Variants in ADGRL3 observed in about 807,000 individuals in gnomAD.
ADGRL3 encodes adhesion G protein-coupled receptor L3, also known as calcium-independent alpha-latrotoxin receptor 3.
In ADGRL3, 62 loss-of-function variants were observed where a neutral mutation model predicts 153.5. The ratio of observed to expected loss-of-function variants is 0.40; its 90% CI spans 0.33 to 0.50. The LOEUF (loss-of-function observed/expected upper bound fraction) is 0.50. ADGRL3 is among the 20% of genes least tolerant of loss of function. The pLI is 0.47. For missense variants in ADGRL3, 1,641 were observed against 1,859.4 expected (o/e 0.88, Z 2.16); for synonymous variants, 710 against 672.5 (o/e 1.06, Z -0.86).
chr4:61,338,379 C>G (rs1480060648), intron 1 of ADGRL3, among the ~76,000 whole-genome samples: 1 of 138,916 alleles, frequency 7.2e-6, no homozygotes, highest in Non-Finnish European at 1.5e-5. Flanking sequence ...GTATGATTAT[C>G]ATTCAGTGTG....
At position 61,694,193 on chromosome 4, in the gene ADGRL3, T is replaced by C. The variant is rs903399065; in HGVS notation, c.583+17258T>C. On this transcript the variant is annotated intron_variant, in intron 6 of 26. Coordinates refer to ENST00000683033, the MANE Select transcript of ADGRL3 (RefSeq NM_001387552.1). ...ATTTTGTCATTATTTTTTTTTTTTT[T>C]TTTTTTTTTTTTTTTTTTTTTTTTT... is the stretch of plus-strand genomic sequence containing the variant. Among the ~76,000 whole-genome samples the C allele has an allele frequency of 7.2e-3, 355 of 49,364 alleles. 6 individuals are homozygous for C. Among genetic ancestry groups the C allele is most frequent in the African/African-American group, 0.036 (327 of 8,990 alleles). 32.4% of individuals were successfully genotyped at this position (49,364 alleles called of 152,430 possible).
At chr4:61,939,811 G>C (rs552492048) in intron 15 of ADGRL3, among the ~76,000 whole-genome samples, 1 of 152,170 alleles carries the variant, frequency 6.6e-6, no homozygotes, top group East Asian at 1.9e-4. Context: ...GTATCATACA[G>C]TGTATACCAT....
intron 8 of ADGRL3, among the ~76,000 whole-genome samples, chr4:61,802,531 G>A (rs1354025052): frequency 1.3e-5 from 2 of 151,962 alleles, no homozygotes; most frequent in Non-Finnish European, 2.9e-5. Flanking sequence ...TCATATTCTT[G>A]TAGAAGTAGT....
At chr4:61,257,878 C>T (rs867661441) in intron 1 of ADGRL3, among the ~76,000 whole-genome samples, 1 of 151,222 alleles carries the variant, frequency 6.6e-6, no homozygotes, top group Non-Finnish European at 1.5e-5. Flanking sequence ...CGTGTGCGCA[C>T]GCGCACACCC....
At chr4:61,646,020 CTTCATTTCA>C (rs1339948734) in intron 5 of ADGRL3, among the ~76,000 whole-genome samples, 1 of 152,160 alleles carries the variant, frequency 6.6e-6, no homozygotes, top group Non-Finnish European at 1.5e-5. Flanking sequence ...TCCCTTCTCG[CTTCATTTCA>C]TTCATTTCAT....
chr4:61,331,511 A>G (rs1171557390), intron 1 of ADGRL3, among the ~76,000 whole-genome samples: 1 of 151,880 alleles, frequency 6.6e-6, no homozygotes, highest in Non-Finnish European at 1.5e-5. Flanking sequence ...CTTCCAATAC[A>G]TTTTCTATTA....
intron 4 of ADGRL3, among the ~76,000 whole-genome samples, chr4:61,583,489 G>A (rs1051220472): frequency 2.0e-5 from 3 of 152,014 alleles, no homozygotes; most frequent in Admixed American, 6.6e-5. Flanking sequence ...TAATTTCTGC[G>A]GAAAACAAGT....
intron 24 of ADGRL3, among the ~76,000 whole-genome samples, chr4:62,044,010 A>T (rs948742002): frequency 1.3e-5 from 2 of 151,970 alleles, no homozygotes; most frequent in Non-Finnish European, 2.9e-5. Context: ...CTTTTGCAAG[A>T]TTCTGATTTC....
chr4:61,398,721 G>A (rs1288805793), intron 2 of ADGRL3, among the ~76,000 whole-genome samples: 1 of 150,878 alleles, frequency 6.6e-6, no homozygotes, highest in African/African-American at 2.4e-5. Context: ...CTCTCTCTCT[G>A]TCTCTCAATA....
At position 61,274,191 on chromosome 4, in the gene ADGRL3, G is replaced by A. The variant is rs1394947; in HGVS notation, c.-240+72426G>A. On this transcript the variant is annotated intron_variant, in intron 1 of 26. Coordinates refer to ENST00000683033, the MANE Select transcript of ADGRL3 (RefSeq NM_001387552.1). ...TATAGAAGTCTGAAAAGTATTTGGT[G>A]ACAGAGTCCTGGCATGAATAGTCTT... 7.8e-3 allele frequency among the ~76,000 whole-genome samples: 1,191 copies of A among 152,306 alleles called. 75 individuals are homozygous for A. Among genetic ancestry groups the A allele is most frequent in the Admixed American group, 0.07 (1,076 of 15,292 alleles).
chr4:61,900,250 T>C (rs931629153), intron 11 of ADGRL3, among the ~76,000 whole-genome samples: 1 of 152,200 alleles, frequency 6.6e-6, no homozygotes, highest in Non-Finnish European at 1.5e-5. Flanking sequence ...TTGCTGACTT[T>C]AGTTCAAAAA....
intron 9 of ADGRL3, among the ~76,000 whole-genome samples, chr4:61,864,072 G>T (rs918498446): frequency 1.3e-5 from 2 of 152,088 alleles, no homozygotes; most frequent in Admixed American, 1.3e-4. Context: ...AAATAACCCG[G>T]ACATATTTAA....
intron 6 of ADGRL3, among the ~76,000 whole-genome samples, chr4:61,695,977 A>G (rs2095635954): frequency 6.6e-6 from 1 of 152,190 alleles, no homozygotes; most frequent in South Asian, 2.1e-4. Flanking sequence ...CAGCCTTCAC[A>G]GAAATGAAGA....
intron 2 of ADGRL3, among the ~76,000 whole-genome samples, chr4:61,457,576 A>T (rs1450231155): frequency 1.3e-5 from 2 of 151,904 alleles, no homozygotes; most frequent in African/African-American, 4.8e-5. Context: ...AATCAAATTA[A>T]TTGGCCTTTA....
At chr4:61,732,660 G>A (rs183879946) in intron 7 of ADGRL3, 94 bp from the exon 8 acceptor site, 7 of 594,068 alleles carry the variant, frequency 1.2e-5, no homozygotes, top group African/African-American at 7.5e-5. Context: ...GGTATCTCTT[G>A]TTAGAGTTGC....
chr4:61,313,297 T>C (rs180713479), intron 1 of ADGRL3, among the ~76,000 whole-genome samples: 60 of 152,332 alleles, frequency 3.9e-4, no homozygotes, highest in Non-Finnish European at 6.0e-4. Flanking sequence ...GTACTCTATA[T>C]GGCACTGCAA....
rs147572835 is a variant in ADGRL3 at position 61,416,765 on chromosome 4, G to A, written c.-174+33576G>A. ...TGGAAGACAGTTTTTTCATGGACCTGGGGTGGGATGAGGTGGTGGATGGTT... is the reference window on the plus strand; with the variant it reads ...TGGAAGACAGTTTTTTCATGGACCTAGGGTGGGATGAGGTGGTGGATGGTT... On this transcript the variant is annotated intron_variant, in intron 2 of 26. Transcript: ENST00000683033. Among the ~76,000 whole-genome samples the A allele has an allele frequency of 2.0e-5, 3 of 152,276 alleles. No homozygotes were observed. The East Asian group carries it at 5.8e-4, about 29-fold the overall frequency.
At chr4:62,053,888 A>G (rs570480350) in intron 25 of ADGRL3, among the ~76,000 whole-genome samples, 1 of 151,700 alleles carries the variant, frequency 6.6e-6, no homozygotes, top group African/African-American at 2.4e-5. Flanking sequence ...GTTATACTAA[A>G]TGTCATATTT....
chr4:61,789,859 G>C (rs557011023), intron 8 of ADGRL3, among the ~76,000 whole-genome samples: 46 of 152,102 alleles, frequency 3.0e-4, no homozygotes, highest in African/African-American at 1.1e-3. Context: ...AACTAGAATG[G>C]CAAAATATAA....
Sources: gnomAD v4.1 joint callset for allele counts (sites outside exome capture counted in the v4.1 genomes callset) on GRCh38, gnomAD v4.1.1 for gene constraint, MANE v1.5 for transcripts, NCBI Gene and HGNC (gene_info 2026-07-23, HGNC 2026-07-21) for gene names.